Variants in EPHA6 observed in about 807,000 individuals in gnomAD.
EPHA6 encodes EPH receptor A6.
EPHA6 carries 50 observed loss-of-function variants against 112.0 expected under a neutral mutation model. The observed-to-expected ratio is 0.45, with a 90% CI of 0.36 to 0.56. The LOEUF is 0.56. Among genes scored for constraint, EPHA6 ranks in the 20% least tolerant of loss-of-function variants. The probability of loss-of-function intolerance (pLI) is 0.00; values close to 1 mark genes in which losing one functional copy is unlikely to be tolerated. For synonymous variants in EPHA6, 529 were observed against 490.7 expected (o/e 1.08, Z -1.03); for missense variants, 1,280 against 1,417.4 (o/e 0.90, Z 1.56).
chr3:97,269,587 C>T (rs762235463), intron 5 of EPHA6, among the ~76,000 whole-genome samples: 15 of 152,192 alleles, frequency 9.9e-5, no homozygotes, highest in African/African-American at 3.6e-4. Context: ...CACACGAGAA[C>T]CACTTGGGTA....
intron 11 of EPHA6, among the ~76,000 whole-genome samples, chr3:97,557,789 T>C (rs1207179729): frequency 4.0e-5 from 6 of 151,414 alleles, no homozygotes; most frequent in Non-Finnish European, 4.4e-5. Context: ...GATTTTAAGA[T>C]AGCTTGTGCA....
At chr3:97,002,154 TA>T (rs2043691457) in intron 3 of EPHA6, among the ~76,000 whole-genome samples, 1 of 151,860 alleles carries the variant, frequency 6.6e-6, no homozygotes, top group South Asian at 2.1e-4. Context: ...TACAATTAAA[TA>T]TTTTTAATAA....
chr3:97,440,660 A>C (rs2090089244), intron 6 of EPHA6, among the ~76,000 whole-genome samples: 1 of 151,468 alleles, frequency 6.6e-6, no homozygotes. Context: ...AAAATGAAAG[A>C]CATTAAGATC....
chr3:96,837,690 G>C (rs1418889881), intron 1 of EPHA6, among the ~76,000 whole-genome samples: 2 of 151,914 alleles, frequency 1.3e-5, no homozygotes, highest in Non-Finnish European at 2.9e-5. Context: ...CATTTTTGGT[G>C]TATTATGACA....
intron 1 of EPHA6, among the ~76,000 whole-genome samples, chr3:96,855,378 A>T (rs541472669): frequency 1.3e-5 from 2 of 152,140 alleles, no homozygotes; most frequent in African/African-American, 4.8e-5. Flanking sequence ...TCTGCTTACG[A>T]CATCCAGTTT....
chr3:97,186,660 A>T (rs1484418149), intron 3 of EPHA6, among the ~76,000 whole-genome samples: 1 of 152,152 alleles, frequency 6.6e-6, no homozygotes, highest in Non-Finnish European at 1.5e-5. Context: ...TTTCTCAGTG[A>T]AAAGAGACAA....
intron 7 of EPHA6, among the ~76,000 whole-genome samples, chr3:97,465,251 A>G (rs1299440879): frequency 6.6e-6 from 1 of 152,082 alleles, no homozygotes; most frequent in Non-Finnish European, 1.5e-5. Flanking sequence ...TCCCTAGGCA[A>G]TGAAGTCAAA....
At chr3:97,639,415 A>G (rs2093981765) in intron 14 of EPHA6, among the ~76,000 whole-genome samples, 1 of 152,072 alleles carries the variant, frequency 6.6e-6, no homozygotes, top group African/African-American at 2.4e-5. Flanking sequence ...AGAACAACGA[A>G]TATAAAATTT....
At chr3:96,850,059 T>C (rs531788355) in intron 1 of EPHA6, among the ~76,000 whole-genome samples, 2 of 152,232 alleles carry the variant, frequency 1.3e-5, no homozygotes, top group African/African-American at 4.8e-5. Flanking sequence ...CCTGTATAGC[T>C]CATAGTTAAA....
At chr3:97,314,665 T>C (rs1038086865) in intron 5 of EPHA6, among the ~76,000 whole-genome samples, 2 of 151,666 alleles carry the variant, frequency 1.3e-5, no homozygotes, top group Admixed American at 6.6e-5. Flanking sequence ...CTAAAATGTT[T>C]ATAAAAAGTT....
At chr3:97,428,020 A>C (rs1401630077) in intron 6 of EPHA6, among the ~76,000 whole-genome samples, 3 of 152,030 alleles carry the variant, frequency 2.0e-5, no homozygotes, top group Non-Finnish European at 2.9e-5. Context: ...AATTTATGTA[A>C]CAAACCTGCA....
At chr3:97,484,782 T>C (rs2091655886) in intron 10 of EPHA6, among the ~76,000 whole-genome samples, 1 of 152,186 alleles carries the variant, frequency 6.6e-6, no homozygotes, top group African/African-American at 2.4e-5. Flanking sequence ...TTCCTTCCCC[T>C]AGCATGCCAT....
Position 97,720,332 on chromosome 3 carries a change from T to C in EPHA6, c.2856T>C (p.Asp952=). The change falls in exon 15 of 18, where the codon GAT becomes GAC. Residue 952 remains aspartate (D), a synonymous_variant. Coordinates refer to ENST00000389672, the MANE Select transcript of EPHA6 (RefSeq NM_001080448.3). ...IAYRKFSSAS[D]AWSYGIVMWE... ...ACAGAAAATTCTCCTCAGCAAGCGATGCATGGAGCTATGGCATTGTCATGT... is the reference window on the plus strand; with the variant it reads ...ACAGAAAATTCTCCTCAGCAAGCGACGCATGGAGCTATGGCATTGTCATGT... The C allele has an allele frequency of 1.2e-6, 2 of 1,611,522 alleles. No individual in the cohort carries two copies. The highest frequency in any genetic ancestry group is 1.7e-6 in the Non-Finnish European group (2 of 1,179,000).
Position 97,645,116 on chromosome 3 carries a change from A to G in EPHA6, c.2784+7034A>G, listed in dbSNP as rs565585319. Among the ~76,000 whole-genome samples the G allele has an allele frequency of 2.4e-4, 36 of 152,292 alleles. 1 individual carries two copies. The highest frequency in any genetic ancestry group is 7.9e-4 in the African/African-American group (33 of 41,560). ...GTGAAAGTCAATGTGGCGATTCCTC[A>G]GGGATCTACAACTAGAAATACCATT... On this transcript the variant is annotated intron_variant, in intron 14 of 17. Transcript: ENST00000389672.
At chr3:97,415,632 GAAGAGCTTGTTAA>G (rs1489835625) in intron 6 of EPHA6, among the ~76,000 whole-genome samples, 2 of 152,022 alleles carry the variant, frequency 1.3e-5, no homozygotes, top group African/African-American at 2.4e-5. Context: ...GTCTGTATCA[GAAGAGCTTGTTAA>G]AGCACTTGTC....
chr3:96,937,549 TG>T (rs1380056722), intron 2 of EPHA6, among the ~76,000 whole-genome samples: 1 of 152,196 alleles, frequency 6.6e-6, no homozygotes, highest in Admixed American at 6.5e-5. Flanking sequence ...TCTCCTATTT[TG>T]TAGGTTGCCT....
intron 2 of EPHA6, among the ~76,000 whole-genome samples, chr3:96,908,735 AT>A (rs2039065399): frequency 6.6e-6 from 1 of 151,820 alleles, no homozygotes; most frequent in South Asian, 2.1e-4. Flanking sequence ...GAAAGTAGGT[AT>A]TTGCATTCCT....
At chr3:96,978,662 A>C (rs2042627632) in intron 2 of EPHA6, among the ~76,000 whole-genome samples, 1 of 152,172 alleles carries the variant, frequency 6.6e-6, no homozygotes, top group Non-Finnish European at 1.5e-5. Flanking sequence ...GTAGAAGAAG[A>C]AACATTATTT....
chr3:97,629,579 A>G (rs1484371206), intron 13 of EPHA6, among the ~76,000 whole-genome samples: 1 of 152,026 alleles, frequency 6.6e-6, no homozygotes, highest in Non-Finnish European at 1.5e-5. Context: ...AAAACTTGAC[A>G]TTGATCTTTT....
Sources: allele counts gnomAD v4.1 joint callset (sites outside exome capture counted in the v4.1 genomes callset), GRCh38; gene constraint gnomAD v4.1.1; transcripts MANE v1.5; gene names NCBI Gene and HGNC (gene_info 2026-07-23, HGNC 2026-07-21).